The following LRRC57 variants were observed in gnomAD, a reference collection of about 807,000 sequenced individuals.
The protein encoded by LRRC57 is leucine-rich repeat-containing protein 57.
In LRRC57, 14 loss-of-function variants were observed where a neutral mutation model predicts 23.1. The ratio of observed to expected loss-of-function variants is 0.61; its 90% CI spans 0.40 to 0.95. The LOEUF (loss-of-function observed/expected upper bound fraction) is 0.95, where lower values mean the gene tolerates loss of function less well. LRRC57 is among the 40% of genes least tolerant of loss of function. The probability of loss-of-function intolerance (pLI) is 0.00; values close to 1 mark genes in which losing one functional copy is unlikely to be tolerated. For missense variants in LRRC57, 236 were observed against 284.4 expected (o/e 0.83, Z 1.22); for synonymous variants, 106 against 115.2 (o/e 0.92, Z 0.51).
At chr15:42,548,500 C>G (rs1271717551) in intron 1 of LRRC57, 44 bp from the exon 2 acceptor site, 3 of 1,530,066 alleles carry the variant, frequency 2.0e-6, no homozygotes, top group Middle Eastern at 1.7e-4. Flanking sequence ...TCCACCCGGT[C>G]GGCCTCCCGG....
At chr15:42,529,919 C>G in the LRRC57 span, 1 of 1,286,538 alleles carries the variant, frequency 7.8e-7, no homozygotes, top group South Asian at 1.4e-5. Flanking sequence ...GTAGAATAAG[C>G]TCCTGTCCTC....
At chr15:42,548,293 G>A (rs2057674682) in intron 2 of LRRC57, 49 bp from the exon 3 acceptor site, 1 of 1,613,578 alleles carries the variant, frequency 6.2e-7, no homozygotes, top group African/African-American at 1.3e-5. Context: ...GACTAAGTTC[G>A]CCGCCCCCGC....
In LRRC57 at chr15:42,545,185, G is replaced by C; in HGVS notation, c.570C>G (p.Leu190=). ...ILRLEENCLE[L]SMLPQSILSD... ...TGAGGATGCTCTGGGGAAGCATGCT[G>C]AGCTCAAGACAATTCTCTTCCAGGC... The change falls in exon 5 of 6, where the codon CTC becomes CTG. Residue 190 remains leucine, a synonymous_variant. Coordinates refer to ENST00000397130, the MANE Select transcript of LRRC57 (RefSeq NM_153260.3). The C allele has an allele frequency of 6.2e-7, 1 of 1,612,530 alleles. No individual in the cohort carries two copies. The highest frequency in any genetic ancestry group is 8.5e-7 in the Non-Finnish European group (1 of 1,179,282).
chr15:42,535,773 T>C (rs2057597709), downstream of LRRC57, among the ~76,000 whole-genome samples: 1 of 152,152 alleles, frequency 6.6e-6, no homozygotes, highest in Non-Finnish European at 1.5e-5. Context: ...TGGCCTAATT[T>C]CAATATTCTG....
Position 42,546,449 on chromosome 15 carries a change from T to TA in LRRC57, c.492+811dup, listed in dbSNP as rs558095478. 1.4e-3 allele frequency among the ~76,000 whole-genome samples: 212 copies of TA among 151,942 alleles called. 3 individuals are homozygous for TA. Among genetic ancestry groups the TA allele is most frequent in the African/African-American group, 4.5e-3 (187 of 41,432 alleles). ...AACATACAAGAATATCCACTTAAGG[T>TA]AAAAAAACATGAGGCCAATTCCTCA... On this transcript the variant is annotated intron_variant, in intron 4 of 5. Transcript: ENST00000397130.
intron 3 of LRRC57, 86 bp downstream of exon 3, chr15:42,548,020 A>G (rs1010616258): frequency 1.6e-5 from 24 of 1,483,602 alleles, no homozygotes; most frequent in Admixed American, 1.9e-5. Context: ...ACGGTTTCAT[A>G]ACAAAAACAA....
At chr15:42,533,653 G>A (rs2057584965), downstream of LRRC57, among the ~76,000 whole-genome samples, 1 of 152,184 alleles carries the variant, frequency 6.6e-6, no homozygotes. Context: ...TAGAAGCATG[G>A]GCTGAGGCAT....
chr15:42,543,853 T>C lies in LRRC57; in HGVS notation c.*230A>G. On this transcript the variant is annotated 3_prime_UTR_variant, in exon 6 of 6. Coordinates refer to ENST00000397130, the MANE Select transcript of LRRC57 (RefSeq NM_153260.3). ...TTGAAGAGAACCTTGTCTATTGCCC[T>C]ACTCATGACTCAAAACGGAAGACTT... is the stretch of plus-strand genomic sequence containing the variant. The C allele has an allele frequency of 2.4e-6, 1 of 420,482 alleles. No homozygotes were observed. The allele number at this position is 420,482 out of a possible 1,614,324, so 26.0% of individuals were successfully genotyped here.
downstream of LRRC57, among the ~76,000 whole-genome samples, chr15:42,537,241 ACACACACACACACACACACACACG>A: frequency 6.6e-6 from 1 of 150,762 alleles, no homozygotes; most frequent in East Asian, 2.0e-4. Context: ...TCTCACACAC[ACACACACACACACACACACACACG>A]CACGCACACA....
chr15:42,531,697 C>T, the LRRC57 span: 44 of 405,860 alleles, frequency 1.1e-4, no homozygotes, highest in East Asian at 5.4e-4. Flanking sequence ...TCAATTCATA[C>T]GCTTAGATTG....
intron 5 of LRRC57, 65 bp from the exon 6 acceptor site, chr15:42,544,189 A>AT (rs368065042): frequency 5.4e-3 from 6,678 of 1,236,230 alleles, no homozygotes; most frequent in South Asian, 6.7e-3. Context: ...AAGCCTAACT[A>AT]TTTTTTTTTT....
Position 42,547,509 on chromosome 15 carries a change from A to G in LRRC57, c.244T>C (p.Cys82Arg), listed in dbSNP as rs751838123. 1.3e-5 allele frequency: 21 copies of G among 1,611,734 alleles called. No individual in the cohort carries two copies. Among genetic ancestry groups the G allele is most frequent in the Admixed American group, 1.7e-5 (1 of 59,912 alleles). Residue 82 changes from cysteine (C) to arginine (R), a missense_variant, in exon 4 of 6, where the codon TGC becomes CGC. Cys to Arg is a radical substitution (Grantham distance 180, BLOSUM62 -3). Coordinates refer to ENST00000397130, the MANE Select transcript of LRRC57 (RefSeq NM_153260.3). The part of the protein sequence containing the change: ...NKLTVLPDEI[C>R]NLKKLETLSL... ...AGCGTCTCTAGTTTTTTCAGATTGC[A>G]TATCTCATCAGGCAGAACAGCTGGC...
At chr15:42,530,115 GTTTTA>G in the LRRC57 span, among the ~76,000 whole-genome samples, 2 of 152,068 alleles carry the variant, frequency 1.3e-5, no homozygotes. Context: ...TCCCAAATGA[GTTTTA>G]TTTTGTTAAC....
chr15:42,548,087 T>A lies in LRRC57; in HGVS notation c.223+19A>T, dbSNP rs2057671779. ...TAACAGCTGATCACTAGCAAAAGCCTCCCTGGCGAGAGCCATACTCAGTTT... is the reference window on the plus strand; with the variant it reads ...TAACAGCTGATCACTAGCAAAAGCCACCCTGGCGAGAGCCATACTCAGTTT... On this transcript the variant is annotated intron_variant, in intron 3 of 5. Transcript: ENST00000397130. The A allele has an allele frequency of 1.2e-6, 2 of 1,613,550 alleles. No individual in the cohort carries two copies. The highest frequency in any genetic ancestry group is 2.2e-5 in the East Asian group (1 of 44,892).
At position 42,539,477 on chromosome 15, in the gene LRRC57, C is replaced by CAAAAAAAAAAAAAAAAAAA. The variant is rs1164646488; in HGVS notation, c.*4587_*4605dup. On this transcript the variant is annotated 3_prime_UTR_variant, in exon 6 of 6. Transcript: ENST00000397130. ...TGGGCGAAACAGACAGCCTCTGTCT[C>CAAAAAAAAAAAAAAAAAAA]AAAAAAAAAAAAAAAAAAAAAGAGA... 1.6e-4 allele frequency: 7 copies of CAAAAAAAAAAAAAAAAAAA among 43,662 alleles called. 2 individuals carry two copies. The highest frequency in any genetic ancestry group is 7.6e-4 in the African/African-American group (7 of 9,226). 2.7% of individuals were successfully genotyped at this position (43,662 alleles called of 1,614,324 possible). A position where few individuals can be genotyped will look rare whatever the true frequency, so the allele number is the denominator to read the frequency against.
chr15:42,537,836 T>C lies in LRRC57; in HGVS notation c.*6247A>G, dbSNP rs1254361741. The stretch of plus-strand genomic sequence containing the variant: ...GACAAATACTGCATGTTCTTACTCA[T>C]GTGAGCTAAAAAATTTATTTCATGG... On this transcript the variant is annotated 3_prime_UTR_variant, in exon 6 of 6. Coordinates refer to ENST00000397130, the MANE Select transcript of LRRC57 (RefSeq NM_153260.3). The C allele has an allele frequency of 6.6e-6, 1 of 152,184 alleles. No homozygotes were observed. The highest frequency in any genetic ancestry group is 1.5e-5 in the Non-Finnish European group (1 of 68,036). 9.4% of individuals were successfully genotyped at this position (152,184 alleles called of 1,614,324 possible). A position where few individuals can be genotyped will look rare whatever the true frequency, so the allele number is the denominator to read the frequency against.
At chr15:42,531,522 C>G in the LRRC57 span, 1 of 1,453,752 alleles carries the variant, frequency 6.9e-7, no homozygotes, top group South Asian at 1.2e-5. Flanking sequence ...TTCCGTAGCT[C>G]CTCCTTGAAA....
In LRRC57 at chr15:42,548,165, G is replaced by A. The variant is rs1334078648; in HGVS notation, c.164C>T (p.Pro55Leu). 1 of 1,614,208 alleles carries A rather than the reference G, an allele frequency of 6.2e-7. No homozygotes were observed. The highest frequency in any genetic ancestry group is 1.1e-5 in the South Asian group (1 of 91,086). ...LSNNKIESLPPLLIGKFTLLK... is the reference protein window; with the variant it reads ...LSNNKIESLPLLLIGKFTLLK... ...CAGAGTGAACTTTCCTATCAGCAAA[G>A]GCGGTAGGCTTTCGATCTTGTTGTT... The change falls in exon 3 of 6, where the codon CCT becomes CTT. Residue 55 changes from proline (P) to leucine (L), a missense_variant. Coordinates refer to ENST00000397130, the MANE Select transcript of LRRC57 (RefSeq NM_153260.3).
Position 42,545,224 on chromosome 15 carries a change from G to C in LRRC57, c.531C>G (p.Arg177=). ...TCTCTTCCAGGCGAAGAATTTTAAG[G>C]CGTGGACAGCAAGATATCTTCACTG... ...QISVKISCCP[R]LKILRLEENC... Residue 177 remains arginine (R), a synonymous_variant, in exon 5 of 6, where the codon CGC becomes CGG. Transcript: ENST00000397130. 6.3e-7 allele frequency: 1 copy of C among 1,593,412 alleles called. No individual in the cohort carries two copies. The highest frequency in any genetic ancestry group is 8.5e-7 in the Non-Finnish European group (1 of 1,173,104).
Sources: gnomAD v4.1 joint callset for allele counts (sites outside exome capture counted in the v4.1 genomes callset) on GRCh38, gnomAD v4.1.1 for gene constraint, MANE v1.5 for transcripts, NCBI Gene and HGNC (gene_info 2026-07-23, HGNC 2026-07-21) for gene names.